Variants in AAMDC observed in about 807,000 individuals in gnomAD.
The protein encoded by AAMDC is adipogenesis associated Mth938 domain containing.
In AAMDC, 16 loss-of-function variants were observed where a neutral mutation model predicts 15.5. The ratio of observed to expected loss-of-function variants is 1.03; its 90% confidence interval spans 0.70 to 1.57. AAMDC has a LOEUF of 1.57. AAMDC is among the 40% of genes most tolerant of loss of function. AAMDC has a pLI of 0.00. For missense variants in AAMDC, 141 were observed against 144.9 expected (o/e 0.97, Z 0.14); for synonymous variants, 51 against 51.6 (o/e 0.99, Z 0.05).
At chr11:77,898,086 G>C (rs1461176895) in intron 5 of AAMDC, among the ~76,000 whole-genome samples, 1 of 152,136 alleles carries the variant, frequency 6.6e-6, no homozygotes, top group Non-Finnish European at 1.5e-5. Context: ...CAAAGTCTGG[G>C]ATTACAGGCA....
chr11:77,861,877 C>T (rs1389321911), intron 2 of AAMDC, among the ~76,000 whole-genome samples: 1 of 152,098 alleles, frequency 6.6e-6, no homozygotes, highest in African/African-American at 2.4e-5. Context: ...AACAGGGTTT[C>T]TAAGTTTTTT....
chr11:77,889,629 G>T (rs1350660200), intron 5 of AAMDC, among the ~76,000 whole-genome samples: 1 of 152,170 alleles, frequency 6.6e-6, no homozygotes, highest in Non-Finnish European at 1.5e-5. Flanking sequence ...TTTTAATGGG[G>T]AATGTAATCT....
At chr11:77,839,645 G>A (rs533452116) in intron 1 of AAMDC, among the ~76,000 whole-genome samples, 5 of 152,248 alleles carry the variant, frequency 3.3e-5, no homozygotes, top group African/African-American at 1.2e-4. Context: ...AACCATAAAG[G>A]GGAACAAGAT....
intron 2 of AAMDC, among the ~76,000 whole-genome samples, chr11:77,867,867 T>G (rs1290061166): frequency 6.6e-6 from 1 of 152,180 alleles, no homozygotes; most frequent in Admixed American, 6.5e-5. Flanking sequence ...AAAAAGAAGT[T>G]TCCTGGAGTT....
intron 5 of AAMDC, chr11:77,891,741 G>A: frequency 6.2e-7 from 1 of 1,611,950 alleles, no homozygotes; most frequent in Non-Finnish European, 8.5e-7. Flanking sequence ...GTAGAATTTT[G>A]ACCACTTCTG....
chr11:77,880,465 A>G (rs1951749457), intron 5 of AAMDC, among the ~76,000 whole-genome samples: 1 of 152,232 alleles, frequency 6.6e-6, no homozygotes, highest in African/African-American at 2.4e-5. Context: ...TCACATGACA[A>G]CATGAGGGTC....
At chr11:77,876,299 T>C (rs1054175158), downstream of AAMDC, among the ~76,000 whole-genome samples, 1 of 152,128 alleles carries the variant, frequency 6.6e-6, no homozygotes, top group Non-Finnish European at 1.5e-5. Flanking sequence ...CAGGCTTAGC[T>C]TCACCACTAA....
chr11:77,839,550 C>T (rs747193002), intron 1 of AAMDC, among the ~76,000 whole-genome samples: 9 of 152,044 alleles, frequency 5.9e-5, no homozygotes, highest in African/African-American at 1.7e-4. Context: ...TTTACAATAG[C>T]GAAGACATGG....
At chr11:77,838,762 G>A (rs1256816344) in intron 1 of AAMDC, among the ~76,000 whole-genome samples, 1 of 151,890 alleles carries the variant, frequency 6.6e-6, no homozygotes, top group South Asian at 2.1e-4. Context: ...GACTACAGGC[G>A]CCCACCACTG....
At chr11:77,887,460 A>G (rs935256060) in intron 5 of AAMDC, among the ~76,000 whole-genome samples, 8 of 152,236 alleles carry the variant, frequency 5.3e-5, no homozygotes, top group African/African-American at 1.7e-4. Flanking sequence ...CCCACAGCCA[A>G]TATCATACTG....
chr11:77,837,861 C>T (rs1306681477), intron 1 of AAMDC, among the ~76,000 whole-genome samples: 1 of 152,078 alleles, frequency 6.6e-6, no homozygotes, highest in Non-Finnish European at 1.5e-5. Flanking sequence ...TGGAGACCAA[C>T]ATGGGCAACA....
intron 2 of AAMDC, among the ~76,000 whole-genome samples, chr11:77,859,503 G>A (rs1950784829): frequency 5.3e-5 from 8 of 152,150 alleles, no homozygotes; most frequent in Admixed American, 5.2e-4. Context: ...AGCATACTTA[G>A]AGTCTGTATA....
intron 5 of AAMDC, chr11:77,884,041 C>T: frequency 7.5e-7 from 1 of 1,325,996 alleles, no homozygotes; most frequent in Non-Finnish European, 1.0e-6. Context: ...CCTCAAAACA[C>T]AAGAAGAAAC....
At chr11:77,901,938 A>G (rs1952790140), downstream of AAMDC, among the ~76,000 whole-genome samples, 1 of 152,234 alleles carries the variant, frequency 6.6e-6, no homozygotes, top group South Asian at 2.1e-4. Flanking sequence ...ATTAAGCATC[A>G]GGAACTATTA....
At chr11:77,887,215 T>C (rs1192024999) in intron 5 of AAMDC, among the ~76,000 whole-genome samples, 2 of 152,184 alleles carry the variant, frequency 1.3e-5, no homozygotes, top group African/African-American at 4.8e-5. Flanking sequence ...ATCAGAAAGC[T>C]TATCCACCAT....
intron 1 of AAMDC, among the ~76,000 whole-genome samples, chr11:77,835,253 T>C (rs1949631462): frequency 6.6e-6 from 1 of 152,186 alleles, no homozygotes; most frequent in African/African-American, 2.4e-5. Flanking sequence ...CGTCCCACTT[T>C]ATCTCTTTAT....
chr11:77,902,222 T>G (rs1306612086), downstream of AAMDC, among the ~76,000 whole-genome samples: 1 of 152,138 alleles, frequency 6.6e-6, no homozygotes, highest in Non-Finnish European at 1.5e-5. Flanking sequence ...TCTCAATCCC[T>G]TTCTGTAAAC....
In AAMDC at chr11:77,883,704, T is replaced by C. The variant is rs1176275634; in HGVS notation, c.328+6655T>C. ...CACTTAATGAGTGCTTATAAACTCA[T>C]TAAGTTCAATTCTTACAAGGCCTGA... is the stretch of plus-strand genomic sequence containing the variant. On this transcript the variant is annotated intron_variant, in intron 5 of 5. Transcript: ENST00000304716. 7 of 1,027,178 alleles carry C rather than the reference T, an allele frequency of 6.8e-6. No individual in the cohort carries two copies. The African/African-American group carries it at 1.1e-4, about 17-fold the overall frequency. The allele number at this position is 1,027,178 out of a possible 1,614,324, so 63.6% of individuals were successfully genotyped here. A position where few individuals can be genotyped will look rare whatever the true frequency, so the allele number is the denominator to read the frequency against.
At chr11:77,895,527 GAAAAAA>G (rs71046921) in intron 5 of AAMDC, among the ~76,000 whole-genome samples, 6 of 39,260 alleles carry the variant, frequency 1.5e-4, no homozygotes, top group East Asian at 9.1e-4. Context: ...TTCTTTTCCT[GAAAAAA>G]AAAAAAAAAA....
Sources: gnomAD v4.1 joint callset for allele counts (sites outside exome capture counted in the v4.1 genomes callset) on GRCh38, gnomAD v4.1.1 for gene constraint, MANE v1.5 for transcripts, NCBI Gene and HGNC (gene_info 2026-07-23, HGNC 2026-07-21) for gene names.